Variants in CHD8 observed in about 807,000 individuals in gnomAD.
CHD8 encodes the protein chromodomain helicase DNA binding protein 8, also known as ATP-dependent chromatin remodeler CHD8.
In CHD8, 31 loss-of-function variants were observed where a neutral mutation model predicts 279.2. The ratio of observed to expected loss-of-function variants is 0.11; its 90% CI spans 0.08 to 0.15. The LOEUF (loss-of-function observed/expected upper bound fraction) is 0.15, where lower values mean the gene tolerates loss of function less well. Among genes scored for constraint, CHD8 ranks in the 10% least tolerant of loss-of-function variants. CHD8 has a pLI of 1.00. For synonymous variants in CHD8, 1,081 were observed against 1,139.6 expected, an observed-to-expected ratio of 0.95 and a Z score of 1.04; for missense variants, 2,146 against 3,230.5, an observed-to-expected ratio of 0.66 and a Z score of 8.14.
Position 21,431,351 on chromosome 14 carries a change from T to C in CHD8, c.293A>G (p.Gln98Arg). Residue 98 changes from glutamine (Q) to arginine (R), a missense_variant, in exon 2 of 38, where the codon CAG becomes CGG. This residue lies in a region of CHD8 where 302 missense variants were observed against 325.5 expected (regional missense o/e 0.93). Coordinates refer to ENST00000646647, the MANE Select transcript of CHD8 (RefSeq NM_001170629.2). ...ESITLHDYTT[Q>R]PASQEQPAQP... ...GGCTGGCTGCTCCTGGCTGGCAGGCTGAGTGGTATAATCATGCAAGGTTAT... is the reference window on the plus strand; with the variant it reads ...GGCTGGCTGCTCCTGGCTGGCAGGCCGAGTGGTATAATCATGCAAGGTTAT... 4 of 1,538,146 alleles carry C rather than the reference T, an allele frequency of 2.6e-6. No individual in the cohort carries two copies. Among genetic ancestry groups the C allele is most frequent in the Non-Finnish European group, 3.5e-6 (4 of 1,147,412 alleles).
chr14:21,390,340 G>A (rs927218855), intron 37 of CHD8, among the ~76,000 whole-genome samples: 3 of 151,912 alleles, frequency 2.0e-5, no homozygotes, highest in African/African-American at 7.3e-5. Context: ...TTATTCAATA[G>A]AAGAACAGAG....
Position 21,428,027 on chromosome 14 carries a change from A to G in CHD8, c.1443T>C (p.Pro481=). The change falls in exon 4 of 38, where the codon CCT becomes CCC. Residue 481 remains proline, a synonymous_variant. Transcript: ENST00000646647. ...GCAACTCGTCCTCATTTAAGACTCGAGGTATGTTCTGCTCACCGCGGGCAC... is the reference window on the plus strand; with the variant it reads ...GCAACTCGTCCTCATTTAAGACTCGGGGTATGTTCTGCTCACCGCGGGCAC... ...RARARGEQNI[P]RVLNEDELPS... is the part of the protein sequence containing the mutation. The G allele has an allele frequency of 3.1e-6, 5 of 1,613,952 alleles. No individual in the cohort carries two copies. Among genetic ancestry groups the G allele is most frequent in the Non-Finnish European group, 4.2e-6 (5 of 1,179,892 alleles).
chr14:21,385,313 C>G lies in CHD8; in HGVS notation c.*300G>C. ...GCTCTGCCAGAGGCTAGGGCCAGCG[C>G]TACATAGTCTGTGGTTAATGGAGGT... On this transcript the variant is annotated 3_prime_UTR_variant, in exon 38 of 38. Coordinates refer to ENST00000646647, the MANE Select transcript of CHD8 (RefSeq NM_001170629.2). 4.9e-6 allele frequency: 2 copies of G among 405,370 alleles called. No homozygotes were observed. The highest frequency in any genetic ancestry group is 2.0e-5 in the African/African-American group (1 of 49,928). The allele number at this position is 405,370 out of a possible 1,614,324, so 25.1% of individuals were successfully genotyped here.
In CHD8 at chr14:21,412,906, A is replaced by C. The variant is rs768487270; in HGVS notation, c.2226+7T>G. ...TGTTCACGTTACTCCATGCCTCAACAACTCACCTCCCCATTGTCCTTGTCA... is the reference window on the plus strand; with the variant it reads ...TGTTCACGTTACTCCATGCCTCAACCACTCACCTCCCCATTGTCCTTGTCA... On this transcript the variant is annotated splice_region_variant and intron_variant, in intron 10 of 37. Coordinates refer to ENST00000646647, the MANE Select transcript of CHD8 (RefSeq NM_001170629.2). The C allele has an allele frequency of 6.4e-7, 1 of 1,571,672 alleles. No homozygotes were observed. The highest frequency in any genetic ancestry group is 8.8e-7 in the Non-Finnish European group (1 of 1,141,806).
chr14:21,429,785 G>C (rs1016670225), intron 2 of CHD8: 1 of 247,924 alleles, frequency 4.0e-6, no homozygotes, highest in Non-Finnish European at 8.2e-6. Context: ...TGGTACTATA[G>C]GTGCATGCCA....
chr14:21,387,162 C>T (rs947960888), intron 37 of CHD8, among the ~76,000 whole-genome samples: 2 of 152,182 alleles, frequency 1.3e-5, no homozygotes, highest in Non-Finnish European at 2.9e-5. Context: ...CCAAGAATAA[C>T]GTAGTGCTAG....
At chr14:21,452,011 G>A (rs1890267781) in intron 1 of CHD8, among the ~76,000 whole-genome samples, 1 of 152,266 alleles carries the variant, frequency 6.6e-6, no homozygotes, top group South Asian at 2.1e-4. Flanking sequence ...GGAGAAAAAG[G>A]TTATCCAAGA....
chr14:21,405,450 C>T lies in CHD8; in HGVS notation c.3066G>A (p.Gln1022=). Residue 1022 remains glutamine, a synonymous_variant, in exon 16 of 38, where the codon CAG becomes CAA. Transcript: ENST00000646647. This position sits in a 1 kb window ranked among gnomAD's most constrained non-coding sequence, Gnocchi z 4.2. ...LKTEEQVQKL[Q]AILKPMMLRR... is the part of the protein sequence containing the mutation. Reference sequence around the variant, plus strand: ...TCAGCATCATTGGCTTAAGAATGGCCTGTAGCTTTTGAACCTGTGGTCCAT... The same window carrying T: ...TCAGCATCATTGGCTTAAGAATGGCTTGTAGCTTTTGAACCTGTGGTCCAT... 6.2e-7 allele frequency: 1 copy of T among 1,602,080 alleles called. No homozygotes were observed. Among genetic ancestry groups the T allele is most frequent in the Non-Finnish European group, 8.5e-7 (1 of 1,173,704 alleles).
chr14:21,404,012 T>A lies in CHD8; in HGVS notation c.3308-349A>T, dbSNP rs867009095. Among the ~76,000 whole-genome samples the A allele has an allele frequency of 2.0e-5, 3 of 151,706 alleles. No individual in the cohort carries two copies. In the South Asian group the frequency reaches 6.3e-4, roughly 32 times the overall value. ...TACTCAGGAGGCTGAGGCAGGAGAA[T>A]CGCTTGAATTCGGGAGGTGGTGGTT... is the stretch of plus-strand genomic sequence containing the variant. On this transcript the variant is annotated intron_variant, in intron 16 of 37. Transcript: ENST00000646647.
intron 1 of CHD8, among the ~76,000 whole-genome samples, chr14:21,438,904 A>T (rs1254410857): frequency 2.0e-5 from 3 of 152,132 alleles, no homozygotes; most frequent in Non-Finnish European, 2.9e-5. Context: ...AGGTGGGCAG[A>T]TCACTTGAGG....
intron 36 of CHD8, 74 bp downstream of exon 36, chr14:21,391,389 T>C (rs1034437780): frequency 1.4e-6 from 2 of 1,391,992 alleles, no homozygotes; most frequent in Non-Finnish European, 2.0e-6. Flanking sequence ...CAGTATGTCA[T>C]GCTTTCTCTT....
chr14:21,392,610 G>A lies in CHD8; in HGVS notation c.6668C>T (p.Ser2223Phe). 1 of 1,613,946 alleles carries A rather than the reference G, an allele frequency of 6.2e-7. No individual in the cohort carries two copies. Among genetic ancestry groups the A allele is most frequent in the Non-Finnish European group, 8.5e-7 (1 of 1,179,886 alleles). ...TGCAGATGCTTCCTCCTCTGCCATG[G>A]AAGCTGCACTACTACTTCGTGGTGT... ...VPTPRSSSAASMAEEEASAVS... is the reference protein window; with the variant it reads ...VPTPRSSSAAFMAEEEASAVS... The change falls in exon 34 of 38, where the codon TCC becomes TTC. Residue 2223 changes from serine to phenylalanine, a missense_variant. Around this residue, in one of 26 missense-constraint regions of CHD8, gnomAD observed 513 missense variants for 637.6 expected, o/e 0.80. Coordinates refer to ENST00000646647, the MANE Select transcript of CHD8 (RefSeq NM_001170629.2).
At position 21,405,632 on chromosome 14, in the gene CHD8, C is replaced by T; in HGVS notation, c.3051+89G>A. ...AGGTTATAAGGAGTTCAGAAAGGCC[C>T]TTGAGATACCCATGACAACAGATGT... On this transcript the variant is annotated intron_variant, in intron 15 of 37. Coordinates refer to ENST00000646647, the MANE Select transcript of CHD8 (RefSeq NM_001170629.2). This position sits in a 1 kb window ranked among gnomAD's most constrained non-coding sequence, Gnocchi z 4.2. The T allele has an allele frequency of 6.6e-7, 1 of 1,513,946 alleles. No individual in the cohort carries two copies. Among genetic ancestry groups the T allele is most frequent in the Non-Finnish European group, 9.0e-7 (1 of 1,112,114 alleles). 93.8% of individuals were successfully genotyped at this position (1,513,946 alleles called of 1,614,324 possible). A position where few individuals can be genotyped will look rare whatever the true frequency, so the allele number is the denominator to read the frequency against.
intron 5 of CHD8, chr14:21,419,951 G>A (rs2139511738): frequency 4.8e-6 from 1 of 208,936 alleles, no homozygotes. Context: ...AATTTGAGAT[G>A]GACATTTAAA....
chr14:21,442,910 G>A (rs1022212471), intron 1 of CHD8, among the ~76,000 whole-genome samples: 32 of 152,104 alleles, frequency 2.1e-4, no homozygotes, highest in Non-Finnish European at 2.9e-4. Flanking sequence ...GAATGTTAAT[G>A]ACTGTGAAGA....
chr14:21,431,506 C>T lies in CHD8; in HGVS notation c.138G>A (p.Leu46=), dbSNP rs758878556. 3 of 1,537,202 alleles carry T rather than the reference C, an allele frequency of 2.0e-6. No individual in the cohort carries two copies. In the South Asian group the frequency reaches 3.6e-5, roughly 18 times the overall value. ...ALGLPSSLDS[L]DQMNQDGGGG... ...CTCCACCATCCTGGTTCATCTGATC[C>T]AAGGAGTCCAGAGAGCTTGGCAGTC... The change falls in exon 2 of 38, where the codon TTG becomes TTA. Residue 46 remains leucine (L), a synonymous_variant. Coordinates refer to ENST00000646647, the MANE Select transcript of CHD8 (RefSeq NM_001170629.2).
Position 21,393,707 on chromosome 14 carries a change from C to G in CHD8, c.6088G>C (p.Val2030Leu), listed in dbSNP as rs368561836. ...GGGGTTGGTCGGCTCCTGGCCACCA[C>G]CTCGTGCTCTAGCTTTAAAGTCAGA... Reference protein sequence around the residue: ...ESLTLKLEHEVVARSRPTPQD... With the variant: ...ESLTLKLEHELVARSRPTPQD... The change falls in exon 32 of 38, where the codon GTG (valine) becomes CTG (leucine). Residue 2030 changes from valine to leucine, a missense_variant. Transcript: ENST00000646647. 19 of 1,613,852 alleles carry G rather than the reference C, an allele frequency of 1.2e-5. No individual in the cohort carries two copies. Among genetic ancestry groups the G allele is most frequent in the African/African-American group, 1.1e-4 (8 of 74,916 alleles).
In CHD8 at chr14:21,385,603, T is replaced by C. The variant is rs965429372; in HGVS notation, c.*10A>G. 42 of 1,548,410 alleles carry C rather than the reference T, an allele frequency of 2.7e-5. No homozygotes were observed. The highest frequency in any genetic ancestry group is 1.7e-4 in the Middle Eastern group (1 of 5,996). Reference sequence around the variant, plus strand: ...GCAGCCGCCCAAGCAATGGGGCCCATGCTGGGGCTTCAGTCATCAGCATCT... The same window carrying C: ...GCAGCCGCCCAAGCAATGGGGCCCACGCTGGGGCTTCAGTCATCAGCATCT... On this transcript the variant is annotated 3_prime_UTR_variant, in exon 38 of 38. Coordinates refer to ENST00000646647, the MANE Select transcript of CHD8 (RefSeq NM_001170629.2).
In CHD8 at chr14:21,405,060, T is replaced by A; in HGVS notation, c.3307+149A>T. On this transcript the variant is annotated intron_variant, in intron 16 of 37. Coordinates refer to ENST00000646647, the MANE Select transcript of CHD8 (RefSeq NM_001170629.2). The surrounding 1 kb of genome is among the most constrained non-coding windows in gnomAD (Gnocchi z 4.2). ...TTGCCCAGGCTTAGAGTCTCTTTTT[T>A]AAAAGGAGAACCATTTCCCTCCCAT... The A allele has an allele frequency of 2.8e-6, 2 of 716,592 alleles. No individual in the cohort carries two copies. Among genetic ancestry groups the A allele is most frequent in the Non-Finnish European group, 4.5e-6 (2 of 442,888 alleles). The allele number at this position is 716,592 out of a possible 1,614,324, so 44.4% of individuals were successfully genotyped here. A position where few individuals can be genotyped will look rare whatever the true frequency, so the allele number is the denominator to read the frequency against.
Sources: allele counts gnomAD v4.1 joint callset (sites outside exome capture counted in the v4.1 genomes callset), GRCh38; gene constraint gnomAD v4.1.1; regional missense constraint gnomAD v4.1.1; non-coding constraint Gnocchi (gnomAD v3.1); transcripts MANE v1.5; gene names NCBI Gene and HGNC (gene_info 2026-07-23, HGNC 2026-07-21).